LAMA2: variants seen among roughly 807,000 people sequenced by gnomAD.
The protein encoded by LAMA2 is laminin subunit alpha-2.
Under a neutral mutation model 364.8 loss-of-function variants are expected in LAMA2, and 269 were observed. The ratio of observed to expected loss-of-function variants is 0.74; its 90% CI spans 0.67 to 0.82. The LOEUF (loss-of-function observed/expected upper bound fraction) is 0.82. Among genes scored for constraint, LAMA2 ranks in the 40% least tolerant of loss-of-function variants. The pLI is 0.00. For missense variants in LAMA2, 3,807 were observed against 3,873.2 expected (o/e 0.98, Z 0.45); for synonymous variants, 1,379 against 1,370.6 (o/e 1.01, Z -0.14).
chr6:129,273,323 C>T (rs1788073001), intron 17 of LAMA2, among the ~76,000 whole-genome samples: 1 of 152,130 alleles, frequency 6.6e-6, no homozygotes, highest in South Asian at 2.1e-4. Context: ...GACTAACTTG[C>T]ATTTGAGGAA....
In LAMA2 at chr6:129,514,355, C is replaced by T. The variant is rs764129127; in HGVS notation, c.8989-18C>T. On this transcript the variant is annotated intron_variant, in intron 63 of 64. Transcript: ENST00000421865. ...TTTAATGAAACCATCTGTGACTGTTCTATTTCCTACTTTCCAGTTGATGTT... is the reference window on the plus strand; with the variant it reads ...TTTAATGAAACCATCTGTGACTGTTTTATTTCCTACTTTCCAGTTGATGTT... 1.9e-6 allele frequency: 3 copies of T among 1,561,572 alleles called. No individual in the cohort carries two copies. The highest frequency in any genetic ancestry group is 2.6e-6 in the Non-Finnish European group (3 of 1,132,464).
At position 129,507,592 on chromosome 6, in the gene LAMA2, C is replaced by T; in HGVS notation, c.8807C>T (p.Ala2936Val). The change falls in exon 62 of 65, where the codon GCA becomes GTA. Residue 2936 changes from alanine to valine, a missense_variant. Physicochemically the swap from Ala to Val is moderately conservative, Grantham distance 64 (BLOSUM62 0). Coordinates refer to ENST00000421865, the MANE Select transcript of LAMA2 (RefSeq NM_000426.4). Reference protein sequence around the residue: ...TSSFHVGTCFANAQRGTYFDG... With the variant: ...TSSFHVGTCFVNAQRGTYFDG... ...AGCTTCCATGTTGGGACATGTTTTG[C>T]AAATGCTCAGAGGGGAACATATTTT... 6.2e-7 allele frequency: 1 copy of T among 1,614,182 alleles called. No homozygotes were observed. The highest frequency in any genetic ancestry group is 8.5e-7 in the Non-Finnish European group (1 of 1,180,006).
intron 1 of LAMA2, among the ~76,000 whole-genome samples, chr6:129,023,166 A>G (rs898179547): frequency 9.9e-5 from 15 of 152,140 alleles, no homozygotes; most frequent in Non-Finnish European, 2.1e-4. Flanking sequence ...TAAAACTGTT[A>G]TTAAATCCAA....
intron 12 of LAMA2, among the ~76,000 whole-genome samples, chr6:129,228,422 C>T (rs1393525445): frequency 6.6e-6 from 1 of 152,112 alleles, no homozygotes; most frequent in Non-Finnish European, 1.5e-5. Flanking sequence ...CTGTGTCGCT[C>T]ATGCTGGGAG....
chr6:129,146,430 C>A (rs935427570), intron 5 of LAMA2, among the ~76,000 whole-genome samples: 2 of 151,854 alleles, frequency 1.3e-5, no homozygotes, highest in Non-Finnish European at 2.9e-5. Context: ...ATGTTCTGCA[C>A]AATAAACTTA....
chr6:128,899,520 T>C (rs184948990), intron 1 of LAMA2, among the ~76,000 whole-genome samples: 154 of 152,336 alleles, frequency 1.0e-3, no homozygotes, highest in African/African-American at 3.6e-3. Flanking sequence ...GTCTGACATA[T>C]GGTAGGCACT....
intron 1 of LAMA2, among the ~76,000 whole-genome samples, chr6:128,993,432 T>G (rs1201379735): frequency 6.6e-6 from 1 of 152,192 alleles, no homozygotes; most frequent in African/African-American, 2.4e-5. Flanking sequence ...GTATGTTAGA[T>G]TTTAGACATA....
intron 56 of LAMA2, among the ~76,000 whole-genome samples, chr6:129,488,035 C>A (rs1211211308): frequency 6.6e-6 from 1 of 152,102 alleles, no homozygotes; most frequent in Admixed American, 6.5e-5. Context: ...TTTAGCCGGG[C>A]GTGGTGGCTC....
intron 22 of LAMA2, among the ~76,000 whole-genome samples, chr6:129,307,486 T>G (rs984175431): frequency 6.6e-6 from 1 of 152,220 alleles, no homozygotes; most frequent in Non-Finnish European, 1.5e-5. Context: ...TTCCTCAAAC[T>G]CCACTCTTTG....
intron 8 of LAMA2, among the ~76,000 whole-genome samples, chr6:129,163,485 T>G: frequency 6.6e-6 from 1 of 151,916 alleles, no homozygotes; most frequent in East Asian, 1.9e-4. Context: ...AATACAAAAT[T>G]TAGCCAGGCA....
chr6:129,192,864 G>C lies in LAMA2; in HGVS notation c.1782+11G>C, dbSNP rs568057513. On this transcript the variant is annotated intron_variant, in intron 12 of 64. Coordinates refer to ENST00000421865, the MANE Select transcript of LAMA2 (RefSeq NM_000426.4). ...TATCTGGGAAACAAAGTAAGTCCAC[G>C]CTTGCTTCCCGCTATTCTGCTTTAA... 1.9e-6 allele frequency: 3 copies of C among 1,612,544 alleles called. No homozygotes were observed. The highest frequency in any genetic ancestry group is 1.7e-5 in the Admixed American group (1 of 59,876).
chr6:128,956,124 A>G (rs193155952), intron 1 of LAMA2, among the ~76,000 whole-genome samples: 3 of 152,126 alleles, frequency 2.0e-5, no homozygotes, highest in East Asian at 1.9e-4. Context: ...CATGTGGTAT[A>G]TGGAGCCACA....
At chr6:129,278,104 A>G (rs1788452872) in intron 17 of LAMA2, among the ~76,000 whole-genome samples, 2 of 152,152 alleles carry the variant, frequency 1.3e-5, no homozygotes, top group Non-Finnish European at 2.9e-5. Context: ...CAGGAGGCTG[A>G]GACACTAGAA....
intron 1 of LAMA2, among the ~76,000 whole-genome samples, chr6:128,899,846 T>G (rs1320468710): frequency 6.6e-6 from 1 of 152,168 alleles, no homozygotes; most frequent in African/African-American, 2.4e-5. Flanking sequence ...AAGGAATGCA[T>G]ATTTCTTGGC....
At chr6:129,210,080 C>A (rs1782994754) in intron 12 of LAMA2, among the ~76,000 whole-genome samples, 1 of 150,316 alleles carries the variant, frequency 6.7e-6, no homozygotes, top group Non-Finnish European at 1.5e-5. Flanking sequence ...CTGGGGAAAT[C>A]TACGTTTTTA....
At chr6:128,981,209 T>C (rs1220482064) in intron 1 of LAMA2, among the ~76,000 whole-genome samples, 1 of 152,164 alleles carries the variant, frequency 6.6e-6, no homozygotes, top group African/African-American at 2.4e-5. Context: ...CTAACTCAGA[T>C]AATGATTTCT....
intron 1 of LAMA2, among the ~76,000 whole-genome samples, chr6:128,883,836 A>ACG (rs1491446214): frequency 2.6e-5 from 3 of 113,724 alleles, no homozygotes; most frequent in Non-Finnish European, 5.7e-5. Context: ...ACACACACAC[A>ACG]TATATATATA....
At chr6:129,346,176 A>T (rs1268114028) in intron 30 of LAMA2, among the ~76,000 whole-genome samples, 6 of 152,170 alleles carry the variant, frequency 3.9e-5, no homozygotes, top group Non-Finnish European at 8.8e-5. Flanking sequence ...CTTCCCAAGG[A>T]AAGATCAGAC....
intron 14 of LAMA2, among the ~76,000 whole-genome samples, chr6:129,257,313 G>A (rs998130188): frequency 6.6e-6 from 1 of 152,066 alleles, no homozygotes; most frequent in African/African-American, 2.4e-5. Context: ...CATTGGGATT[G>A]CTCAGTGAGT....
Sources: allele counts gnomAD v4.1 joint callset (sites outside exome capture counted in the v4.1 genomes callset), GRCh38; gene constraint gnomAD v4.1.1; transcripts MANE v1.5; gene names NCBI Gene and HGNC (gene_info 2026-07-23, HGNC 2026-07-21).